The following VWC2 variants were observed in gnomAD, a reference collection of about 807,000 sequenced individuals.
VWC2 encodes von Willebrand factor C domain containing 2.
A neutral mutation model predicts 29.8 loss-of-function variants in VWC2; 14 were observed. That is an observed-to-expected ratio of 0.47 (90% CI 0.31 to 0.74). The LOEUF (loss-of-function observed/expected upper bound fraction) is 0.74, where lower values mean the gene tolerates loss of function less well. VWC2 is among the 30% of genes least tolerant of loss of function. VWC2 has a pLI of 0.05. For synonymous variants in VWC2, 213 were observed against 199.0 expected, an observed-to-expected ratio of 1.07 and a Z score of -0.59; for missense variants, 457 against 459.8, an observed-to-expected ratio of 0.99 and a Z score of 0.05.
At chr7:49,802,604 C>T (rs1275273954) in intron 2 of VWC2, 107 bp from the exon 3 acceptor site, 5 of 1,461,396 alleles carry the variant, frequency 3.4e-6, no homozygotes, top group Non-Finnish European at 3.7e-6. Context: ...CACCACTGCA[C>T]TCCAGTGTGA....
At chr7:49,800,377 T>C (rs1583635941) in intron 2 of VWC2, among the ~76,000 whole-genome samples, 1 of 152,196 alleles carries the variant, frequency 6.6e-6, no homozygotes, top group African/African-American at 2.4e-5. Flanking sequence ...ACATAGGGTG[T>C]GCTCTGGCCT....
intron 3 of VWC2, among the ~76,000 whole-genome samples, chr7:49,845,131 G>C (rs1221244882): frequency 6.6e-6 from 1 of 152,162 alleles, no homozygotes; most frequent in African/African-American, 2.4e-5. Context: ...GCCTGTCAGT[G>C]GGGGTGGGGG....
chr7:49,804,983 C>A (rs1788841013), intron 3 of VWC2, among the ~76,000 whole-genome samples: 1 of 152,122 alleles, frequency 6.6e-6, no homozygotes, highest in Non-Finnish European at 1.5e-5. Flanking sequence ...AGCATACAGT[C>A]AGAGAACTAC....
chr7:49,885,149 T>C (rs143231100), intron 3 of VWC2, among the ~76,000 whole-genome samples: 6 of 152,148 alleles, frequency 3.9e-5, no homozygotes, highest in African/African-American at 1.2e-4. Flanking sequence ...AACAGAAAAA[T>C]AGAATCCTTC....
intron 3 of VWC2, among the ~76,000 whole-genome samples, chr7:49,869,065 G>A (rs749534666): frequency 6.6e-5 from 10 of 151,984 alleles, no homozygotes; most frequent in Non-Finnish European, 1.3e-4. Context: ...GGGAATTTTT[G>A]AAACCCGTAC....
intron 3 of VWC2, among the ~76,000 whole-genome samples, chr7:49,821,907 C>A (rs1789268859): frequency 6.6e-6 from 1 of 152,104 alleles, no homozygotes; most frequent in African/African-American, 2.4e-5. Flanking sequence ...TGCATCTAAA[C>A]AAGCTGTGAC....
chr7:49,871,480 T>A (rs1464166446), intron 3 of VWC2, among the ~76,000 whole-genome samples: 1 of 152,162 alleles, frequency 6.6e-6, no homozygotes, highest in African/African-American at 2.4e-5. Flanking sequence ...AGTGACTAAA[T>A]CAGTGACTTT....
At chr7:49,864,642 TG>T (rs757851740) in intron 3 of VWC2, among the ~76,000 whole-genome samples, 2 of 152,330 alleles carry the variant, frequency 1.3e-5, no homozygotes, top group East Asian at 3.9e-4. Flanking sequence ...CCATCCCGAA[TG>T]GCTTCTGAGT....
At chr7:49,900,813 GA>G (rs1792683744) in intron 3 of VWC2, among the ~76,000 whole-genome samples, 1 of 151,732 alleles carries the variant, frequency 6.6e-6, no homozygotes, top group African/African-American at 2.4e-5. Flanking sequence ...TACAAGAAAG[GA>G]AAACTAAAGA....
intron 3 of VWC2, among the ~76,000 whole-genome samples, chr7:49,803,997 T>C (rs1408929836): frequency 2.6e-5 from 4 of 152,148 alleles, no homozygotes; most frequent in Non-Finnish European, 4.4e-5. Flanking sequence ...CATTGTAGCA[T>C]AGTACATCCA....
chr7:49,922,029 T>A (rs967686463), downstream of VWC2: 4 of 152,202 alleles, frequency 2.6e-5, no homozygotes, highest in Non-Finnish European at 5.9e-5. Context: ...TTAAGCAAGA[T>A]AAATAAAATG....
intron 3 of VWC2, among the ~76,000 whole-genome samples, chr7:49,857,096 TG>T: frequency 6.6e-6 from 1 of 151,172 alleles, no homozygotes. Context: ...AATATCATAT[TG>T]TTAACTATGG....
At position 49,912,248 on chromosome 7, in the gene VWC2, A is replaced by G. The variant is rs1405483357; in HGVS notation, c.*63A>G. On this transcript the variant is annotated 3_prime_UTR_variant, in exon 4 of 4. Coordinates refer to ENST00000340652, the MANE Select transcript of VWC2 (RefSeq NM_198570.5). ...CATTTTACTGATGTGAACATTCTAG[A>G]TGACTCTGGGAACTATCAGTCAAAG... The G allele has an allele frequency of 8.3e-6, 13 of 1,562,772 alleles. No individual in the cohort carries two copies. The highest frequency in any genetic ancestry group is 1.1e-5 in the Non-Finnish European group (13 of 1,145,544).
intron 3 of VWC2, among the ~76,000 whole-genome samples, chr7:49,886,642 G>A (rs1791914712): frequency 6.6e-6 from 1 of 152,212 alleles, no homozygotes; most frequent in Admixed American, 6.5e-5. Flanking sequence ...ACATGGGCAG[G>A]TTTGTTATAT....
At chr7:49,813,584 T>A (rs1789062196) in intron 3 of VWC2, among the ~76,000 whole-genome samples, 1 of 152,238 alleles carries the variant, frequency 6.6e-6, no homozygotes, top group Non-Finnish European at 1.5e-5. Flanking sequence ...TATAAGGCTT[T>A]AAACATGAAA....
intron 3 of VWC2, among the ~76,000 whole-genome samples, chr7:49,885,112 G>A (rs1791840146): frequency 6.6e-6 from 1 of 151,954 alleles, no homozygotes; most frequent in South Asian, 2.1e-4. Flanking sequence ...TATAATCTGG[G>A]TTCACTAAAA....
intron 3 of VWC2, among the ~76,000 whole-genome samples, chr7:49,852,836 T>C (rs1371820122): frequency 6.6e-6 from 1 of 152,200 alleles, no homozygotes; most frequent in Non-Finnish European, 1.5e-5. Context: ...TCCGTCTCCA[T>C]CTAGTGACTG....
chr7:49,840,732 T>C (rs530738305), intron 3 of VWC2, among the ~76,000 whole-genome samples: 47 of 152,310 alleles, frequency 3.1e-4, no homozygotes, highest in African/African-American at 1.1e-3. Flanking sequence ...CACTCTTTTA[T>C]TGTTCATTTT....
intron 3 of VWC2, among the ~76,000 whole-genome samples, chr7:49,814,273 C>A (rs1789081923): frequency 6.6e-6 from 1 of 152,200 alleles, no homozygotes; most frequent in African/African-American, 2.4e-5. Flanking sequence ...TTTACTAATA[C>A]TAACTCTGTG....
Sources: gnomAD v4.1 joint callset for allele counts (sites outside exome capture counted in the v4.1 genomes callset) on GRCh38, gnomAD v4.1.1 for gene constraint, MANE v1.5 for transcripts, NCBI Gene and HGNC (gene_info 2026-07-23, HGNC 2026-07-21) for gene names.